Variants in FAM153A observed in about 807,000 individuals in gnomAD.
The protein encoded by FAM153A is family with sequence similarity 153 member A, also known as protein FAM153A.
In FAM153A, 12 loss-of-function variants were observed where a neutral mutation model predicts 48.1. That is an observed-to-expected ratio of 0.25 (90% CI 0.16 to 0.40). The LOEUF is 0.40. Among genes scored for constraint, FAM153A ranks in the 10% least tolerant of loss-of-function variants. The pLI is 1.00. For missense variants in FAM153A, 111 were observed against 345.8 expected (o/e 0.32, Z 5.38); for synonymous variants, 36 against 118.2 (o/e 0.30, Z 4.51).
intron 18 of FAM153A, among the ~76,000 whole-genome samples, chr5:177,725,943 T>C (rs1303134842): frequency 6.6e-6 from 1 of 151,276 alleles, no homozygotes; most frequent in African/African-American, 2.5e-5. Flanking sequence ...TGGGATTGGA[T>C]GGGATTGGGT....
rs1050755140 is a variant in FAM153A, at chr5:177,769,254, T to C, written c.-57+11195A>G. ...CCAAAAAAAAAAAAAAAAAAAAGGGTGAGAACCGTGCAATATATTTCAAGA... is the reference window on the plus strand; with the variant it reads ...CCAAAAAAAAAAAAAAAAAAAAGGGCGAGAACCGTGCAATATATTTCAAGA... On this transcript the variant is annotated intron_variant, in intron 1 of 8. Transcript: ENST00000393518. Among the ~76,000 whole-genome samples, 4 of 78,474 alleles carry C rather than the reference T, an allele frequency of 5.1e-5. 2 individuals carry two copies. In the Admixed American group the frequency reaches 5.4e-4, roughly 11 times the overall value. The allele number at this position is 78,474 out of a possible 152,430, so 51.5% of individuals were successfully genotyped here.
chr5:177,705,867 C>T (rs1243573798), downstream of FAM153A, among the ~76,000 whole-genome samples: 1 of 151,290 alleles, frequency 6.6e-6, no homozygotes, highest in Non-Finnish European at 1.5e-5. Context: ...ACCATGTTGG[C>T]CAGGCTGGTC....
chr5:177,719,449 GAGAA>G (rs1184022172), downstream of FAM153A, among the ~76,000 whole-genome samples: 10 of 150,730 alleles, frequency 6.6e-5, no homozygotes, highest in Non-Finnish European at 1.5e-4. Flanking sequence ...AGGAGAGAGA[GAGAA>G]AGAGAGAAAA....
chr5:177,724,460 G>A (rs1761908037), intron 19 of FAM153A, 98 bp from the exon 22 acceptor site: 2 of 1,551,536 alleles, frequency 1.3e-6, no homozygotes, highest in Non-Finnish European at 1.8e-6. Context: ...GATGTCACTG[G>A]GGGGTCCCTC....
chr5:177,759,269 T>A (rs1280448616), intron 1 of FAM153A, among the ~76,000 whole-genome samples: 2 of 151,756 alleles, frequency 1.3e-5, no homozygotes, highest in African/African-American at 4.9e-5. Flanking sequence ...CACAATGACA[T>A]ACCATCTCAC....
Position 177,737,098 on chromosome 5 carries a change from G to C in FAM153A, c.577C>G (p.Leu193Val). Reference sequence around the variant, plus strand: ...GTCTGCCCTGGCCCATGCTCCTCCAGGTCTTCCAGGTCACCTAGGAAACAG... The same window carrying C: ...GTCTGCCCTGGCCCATGCTCCTCCACGTCTTCCAGGTCACCTAGGAAACAG... Residue 193 changes from leucine (L) to valine (V), a missense_variant, in exon 11 of 21, where the codon CTG (leucine) becomes GTG (valine). Leu to Val is a conservative substitution (Grantham distance 32). Transcript: ENST00000614127. 9 of 1,559,362 alleles carry C rather than the reference G, an allele frequency of 5.8e-6. 1 individual carries two copies. The highest frequency in any genetic ancestry group is 7.8e-6 in the Non-Finnish European group (9 of 1,153,098).
At chr5:177,761,543 C>A (rs1261255289) in intron 1 of FAM153A, among the ~76,000 whole-genome samples, 3 of 150,478 alleles carry the variant, frequency 2.0e-5, no homozygotes, top group African/African-American at 7.4e-5. Context: ...CTCAGCAATG[C>A]ACATGCTAAT....
At chr5:177,711,139 A>AATTTC (rs1325009878) in exon 27 of FAM153A, 2 of 151,938 alleles carry the variant, frequency 1.3e-5, no homozygotes, top group Non-Finnish European at 2.9e-5. Flanking sequence ...CATATAACTA[A>AATTTC]AGACATATAC....
chr5:177,702,606 T>C, the FAM153A span, among the ~76,000 whole-genome samples: 2 of 151,830 alleles, frequency 1.3e-5, no homozygotes, highest in East Asian at 1.9e-4. Context: ...ACCTTCACCA[T>C]GGCCCCTCCC....
chr5:177,730,497 CTGTG>C, intron 16 of FAM153A, among the ~76,000 whole-genome samples: 1 of 120,066 alleles, frequency 8.3e-6, no homozygotes, highest in Non-Finnish European at 1.9e-5. Context: ...CCTGAGGACT[CTGTG>C]TGTTTGACAT....
chr5:177,781,316 C>G (rs1053714670), upstream of FAM153A, among the ~76,000 whole-genome samples: 1 of 141,040 alleles, frequency 7.1e-6, no homozygotes, highest in East Asian at 2.1e-4. Context: ...AGGGTTTCAC[C>G]GTGTTTGCCA....
At chr5:177,759,403 A>G (rs2127709923) in intron 1 of FAM153A, among the ~76,000 whole-genome samples, 1 of 151,928 alleles carries the variant, frequency 6.6e-6, no homozygotes, top group South Asian at 2.1e-4. Context: ...TGGAAGAGAG[A>G]GTGGCAATTC....
chr5:177,697,535 G>A, the FAM153A span, among the ~76,000 whole-genome samples: 26 of 151,914 alleles, frequency 1.7e-4, no homozygotes, highest in African/African-American at 6.1e-4. Context: ...CAGCAGGGTT[G>A]GAAATGCACA....
At chr5:177,709,430 C>T (rs1385425868), downstream of FAM153A, among the ~76,000 whole-genome samples, 8 of 147,626 alleles carry the variant, frequency 5.4e-5, no homozygotes, top group Non-Finnish European at 1.0e-4. Flanking sequence ...GGCGCGATCT[C>T]GGCTCATTGC....
intron 24 of FAM153A, among the ~76,000 whole-genome samples, chr5:177,716,737 A>C (rs947467810): frequency 6.6e-6 from 1 of 151,964 alleles, no homozygotes; most frequent in African/African-American, 2.4e-5. Context: ...TGACATATGC[A>C]TAAAGCTTAT....
chr5:177,754,001 G>C (rs542239509), upstream of FAM153A, among the ~76,000 whole-genome samples: 1 of 152,048 alleles, frequency 6.6e-6, no homozygotes, highest in East Asian at 1.9e-4. Flanking sequence ...AGGACAGTGG[G>C]TGCAGTGCAC....
chr5:177,695,333 A>G, the FAM153A span, among the ~76,000 whole-genome samples: 4,378 of 142,742 alleles, frequency 0.031, no homozygotes, highest in African/African-American at 0.073. Context: ...ATCATAGGAT[A>G]ATAGTGGAGA....
chr5:177,770,835 T>C (rs138201209), intron 1 of FAM153A, among the ~76,000 whole-genome samples: 92 of 97,234 alleles, frequency 9.5e-4, no homozygotes, highest in African/African-American at 3.0e-3. Flanking sequence ...AGGCCGTGCA[T>C]GTGTGGGAGG....
chr5:177,704,819 C>G (rs1308614293), downstream of FAM153A, among the ~76,000 whole-genome samples: 1 of 151,154 alleles, frequency 6.6e-6, no homozygotes, highest in African/African-American at 2.5e-5. Context: ...GGGCAACACA[C>G]TGAAACCCCA....
Sources: allele counts gnomAD v4.1 joint callset (sites outside exome capture counted in the v4.1 genomes callset), GRCh38; gene constraint gnomAD v4.1.1; transcripts MANE v1.5; gene names NCBI Gene and HGNC (gene_info 2026-07-23, HGNC 2026-07-21).